Variants in RAB19 observed in about 807,000 individuals in gnomAD.
RAB19 encodes RAB19, member RAS oncogene family.
In RAB19, 21 loss-of-function variants were observed where a neutral mutation model predicts 17.3. The ratio of observed to expected loss-of-function variants is 1.21; its 90% CI spans 0.86 to 1.74. The LOEUF (loss-of-function observed/expected upper bound fraction) is 1.74, where lower values mean the gene tolerates loss of function less well. Ranked by LOEUF, RAB19 falls within the 40% of genes most tolerant of loss-of-function variation. The pLI is 0.00. For synonymous variants in RAB19, 126 were observed against 110.4 expected, an observed-to-expected ratio of 1.14 and a Z score of -0.88; for missense variants, 277 against 286.8, an observed-to-expected ratio of 0.97 and a Z score of 0.25.
At position 140,427,404 on chromosome 7, in the gene RAB19, G is replaced by GT. The variant is rs1799690104; in HGVS notation, c.*1254_*1255insT. Among the ~76,000 whole-genome samples, 1 of 146,642 alleles carries GT rather than the reference G, an allele frequency of 6.8e-6. No homozygotes were observed. The highest frequency in any genetic ancestry group is 2.5e-5 in the African/African-American group (1 of 39,422). On this transcript the variant is annotated 3_prime_UTR_variant, in exon 4 of 4. Coordinates refer to ENST00000537763, the MANE Select transcript of RAB19 (RefSeq NM_001008749.3). ...CCTGACCTCATGATCCACCCGTCTC[G>GT]GCCTCCTAAAGTGCTGGGATTACAG...
Position 140,407,632 on chromosome 7 carries a change from T to C in RAB19, c.-15T>C, listed in dbSNP as rs1207683499. 8.1e-6 allele frequency: 13 copies of C among 1,613,572 alleles called. No homozygotes were observed. Among genetic ancestry groups the C allele is most frequent in the Non-Finnish European group, 1.1e-5 (13 of 1,179,660 alleles). ...CCATCCTTTCTTCCTAGTTCTGTTC[T>C]AGGTGGCAAGAACCATGCACTTCTC... On this transcript the variant is annotated 5_prime_UTR_variant, in exon 2 of 4. Coordinates refer to ENST00000537763, the MANE Select transcript of RAB19 (RefSeq NM_001008749.3).
At chr7:140,421,638 T>G (rs1033699442) in intron 3 of RAB19, among the ~76,000 whole-genome samples, 1 of 152,176 alleles carries the variant, frequency 6.6e-6, no homozygotes, top group Non-Finnish European at 1.5e-5. Context: ...ATTACAGGTG[T>G]GAGCCACCAT....
intron 3 of RAB19, among the ~76,000 whole-genome samples, chr7:140,418,590 A>G (rs1014898911): frequency 2.0e-5 from 3 of 151,118 alleles, no homozygotes; most frequent in Non-Finnish European, 3.0e-5. Flanking sequence ...AAAAAAAAAA[A>G]AAGAAGAATA....
intron 3 of RAB19, among the ~76,000 whole-genome samples, chr7:140,422,252 C>T (rs573750095): frequency 3.3e-5 from 5 of 152,058 alleles, no homozygotes; most frequent in Admixed American, 6.6e-5. Flanking sequence ...AGCTGGGCGT[C>T]GTGGTGGGTG....
At chr7:140,409,379 T>C (rs1366702193) in intron 2 of RAB19, among the ~76,000 whole-genome samples, 1 of 146,392 alleles carries the variant, frequency 6.8e-6, no homozygotes, top group African/African-American at 2.6e-5. Context: ...AAGAAAGAGG[T>C]CAAATTTTCT....
intron 2 of RAB19, among the ~76,000 whole-genome samples, chr7:140,411,425 C>G (rs375472061): frequency 1.3e-5 from 2 of 152,046 alleles, no homozygotes; most frequent in Non-Finnish European, 2.9e-5. Context: ...ATCTCTCTGA[C>G]AGCAGCATCC....
chr7:140,427,415 G>T lies in RAB19; in HGVS notation c.*1265G>T, dbSNP rs1438037505. Among the ~76,000 whole-genome samples the T allele has an allele frequency of 1.4e-5, 2 of 146,398 alleles. No homozygotes were observed. The highest frequency in any genetic ancestry group is 2.0e-4 in the East Asian group (1 of 4,962). On this transcript the variant is annotated 3_prime_UTR_variant, in exon 4 of 4. Coordinates refer to ENST00000537763, the MANE Select transcript of RAB19 (RefSeq NM_001008749.3). The stretch of plus-strand genomic sequence containing the variant: ...GATCCACCCGTCTCGGCCTCCTAAA[G>T]TGCTGGGATTACAGGCATGAGCCAC...
intron 3 of RAB19, among the ~76,000 whole-genome samples, chr7:140,416,962 A>G (rs1799468745): frequency 6.6e-6 from 1 of 151,658 alleles, no homozygotes; most frequent in Non-Finnish European, 1.5e-5. Context: ...GCGGTGACTC[A>G]CACCTGTAAT....
chr7:140,411,234 C>T (rs1405899363), intron 2 of RAB19, among the ~76,000 whole-genome samples: 1 of 152,126 alleles, frequency 6.6e-6, no homozygotes, highest in Admixed American at 6.6e-5. Flanking sequence ...CCCGTCTCTA[C>T]TAAAAATACA....
At chr7:140,411,743 C>T in intron 2 of RAB19, 131 bp from the exon 3 acceptor site, 1 of 1,557,754 alleles carries the variant, frequency 6.4e-7, no homozygotes, top group Non-Finnish European at 8.7e-7. Flanking sequence ...TGGGTCCCAC[C>T]CCAGATCTAC....
chr7:140,419,544 T>C (rs1242088018), intron 3 of RAB19, among the ~76,000 whole-genome samples: 2 of 152,242 alleles, frequency 1.3e-5, no homozygotes, highest in East Asian at 3.8e-4. Flanking sequence ...AGTATTTCTC[T>C]GTTCTCTTGG....
chr7:140,417,071 C>A (rs867101176), intron 3 of RAB19, among the ~76,000 whole-genome samples: 43 of 136,200 alleles, frequency 3.2e-4, no homozygotes, highest in South Asian at 7.3e-4. Context: ...ACTAAAAATA[C>A]AAAAAAAAAA....
intron 3 of RAB19, among the ~76,000 whole-genome samples, chr7:140,421,137 C>T (rs1232531506): frequency 3.9e-5 from 6 of 152,034 alleles, no homozygotes; most frequent in Admixed American, 1.3e-4. Context: ...ATGATCCACC[C>T]GCCTTGGCCT....
chr7:140,422,140 A>G (rs951822049), intron 3 of RAB19, among the ~76,000 whole-genome samples: 2 of 152,130 alleles, frequency 1.3e-5, no homozygotes, highest in Non-Finnish European at 2.9e-5. Context: ...TAATCCCAAC[A>G]CTTTGGGAGG....
At chr7:140,425,208 C>G (rs73482582) in intron 3 of RAB19, among the ~76,000 whole-genome samples, 3,187 of 152,130 alleles carry the variant, frequency 0.021, 105 homozygotes, top group African/African-American at 0.072. Flanking sequence ...ATCGTTTGAA[C>G]CTGGGAGGCA....
intron 2 of RAB19, chr7:140,411,007 T>C: frequency 7.3e-7 from 1 of 1,367,806 alleles, no homozygotes; most frequent in Non-Finnish European, 9.8e-7. Flanking sequence ...TTTGCCAGTA[T>C]TCAGATCCAC....
rs1339572754 is a variant in RAB19 at position 140,426,940 on chromosome 7, C to A, written c.*790C>A. Among the ~76,000 whole-genome samples, 2 of 145,914 alleles carry A rather than the reference C, an allele frequency of 1.4e-5. No homozygotes were observed. Among genetic ancestry groups the A allele is most frequent in the Non-Finnish European group, 3.0e-5 (2 of 67,138 alleles). On this transcript the variant is annotated 3_prime_UTR_variant, in exon 4 of 4. Transcript: ENST00000537763. ...CACTGCAACCTCTACCTCCTGGGTT[C>A]AAGAGGTTCTCCCACCTCAGTCTCC...
In RAB19 at chr7:140,427,464, T is replaced by C. The variant is rs1314610388; in HGVS notation, c.*1314T>C. 1.4e-5 allele frequency among the ~76,000 whole-genome samples: 2 copies of C among 143,822 alleles called. No homozygotes were observed. The highest frequency in any genetic ancestry group is 3.1e-5 in the Non-Finnish European group (2 of 65,482). The allele number at this position is 143,822 out of a possible 152,430, so 94.4% of individuals were successfully genotyped here. ...ACCATGCCCGGCCCTTTTTTTTTTT[T>C]TTTTGAGACAGAGTTTCGCTCTTGT... On this transcript the variant is annotated 3_prime_UTR_variant, in exon 4 of 4. Transcript: ENST00000537763.
At position 140,426,749 on chromosome 7, in the gene RAB19, A is replaced by G. The variant is rs1246367807; in HGVS notation, c.*599A>G. On this transcript the variant is annotated 3_prime_UTR_variant, in exon 4 of 4. Transcript: ENST00000537763. ...GCCAAATGGTCAGGAACTGTCTGAT[A>G]GAGATGGAACTGGAATTCACTCTAT... Among the ~76,000 whole-genome samples the G allele has an allele frequency of 6.6e-6, 1 of 152,040 alleles. No homozygotes were observed. The highest frequency in any genetic ancestry group is 2.4e-5 in the African/African-American group (1 of 41,394).
Sources: gnomAD v4.1 joint callset for allele counts (sites outside exome capture counted in the v4.1 genomes callset) on GRCh38, gnomAD v4.1.1 for gene constraint, MANE v1.5 for transcripts, NCBI Gene and HGNC (gene_info 2026-07-23, HGNC 2026-07-21) for gene names.